Variants in RERE observed in about 807,000 individuals in gnomAD.
RERE encodes the protein arginine-glutamic acid dipeptide repeats.
RERE carries 40 observed loss-of-function variants against 146.1 expected under a neutral mutation model. The ratio of observed to expected loss-of-function variants is 0.27; its 90% confidence interval spans 0.21 to 0.36. RERE has a LOEUF of 0.36. RERE is among the 10% of genes least tolerant of loss of function. The pLI is 1.00. For synonymous variants in RERE, 1,003 were observed against 866.0 expected, an observed-to-expected ratio of 1.16 and a Z score of -2.78; for missense variants, 1,933 against 2,138.7, an observed-to-expected ratio of 0.90 and a Z score of 1.90.
intron 1 of RERE, among the ~76,000 whole-genome samples, chr1:8,727,203 C>T (rs574372406): frequency 1.2e-4 from 19 of 152,264 alleles, no homozygotes; most frequent in African/African-American, 4.3e-4. Context: ...AGTGCAGTGG[C>T]GCGATCTCGG....
intron 4 of RERE, among the ~76,000 whole-genome samples, chr1:8,594,429 G>C (rs1646531240): frequency 6.6e-6 from 1 of 152,174 alleles, no homozygotes; most frequent in Non-Finnish European, 1.5e-5. Flanking sequence ...CAGTCAACTA[G>C]TTAATATAAA....
Position 8,360,116 on chromosome 1 carries a change from C to T in RERE, c.3391G>A (p.Ala1131Thr). The T allele has an allele frequency of 1.3e-6, 2 of 1,580,104 alleles. No homozygotes were observed. Among genetic ancestry groups the T allele is most frequent in the East Asian group, 4.5e-5 (2 of 44,436 alleles). ...CTGGAGCCCTAGGAAGCGTACCTAG[C>T]TGACTGGCTGGCGTGACTGGGGGTG... ...VDTPSHASQSARFYKHLDRGY... is the reference protein window; with the variant it reads ...VDTPSHASQSTRFYKHLDRGY... Residue 1131 changes from alanine to threonine, a missense_variant, in exon 18 of 23, where the codon GCT becomes ACT. Ala to Thr is a moderately conservative substitution (Grantham distance 58). This residue lies in a region of RERE where 1,255 missense variants were observed against 1,153.8 expected (regional missense o/e 1.09). Transcript: ENST00000400908.
chr1:8,501,294 C>T, intron 8 of RERE, among the ~76,000 whole-genome samples: 1 of 108,460 alleles, frequency 9.2e-6, no homozygotes, highest in Non-Finnish European at 1.9e-5. Flanking sequence ...GAAGTGAGGA[C>T]CCCTCTGCCC....
In RERE at chr1:8,403,825, C is replaced by CTTTTTTTTTTTTTTTTTTTTT. The variant is rs869295197; in HGVS notation, c.1284+18881_1284+18901dup. 1.6e-4 allele frequency among the ~76,000 whole-genome samples: 11 copies of CTTTTTTTTTTTTTTTTTTTTT among 70,866 alleles called. 2 individuals are homozygous for CTTTTTTTTTTTTTTTTTTTTT. The highest frequency in any genetic ancestry group is 4.7e-4 in the African/African-American group (8 of 17,002). 46.5% of individuals were successfully genotyped at this position (70,866 alleles called of 152,430 possible). On this transcript the variant is annotated intron_variant, in intron 12 of 22. Coordinates refer to ENST00000400908, the MANE Select transcript of RERE (RefSeq NM_001042681.2). Reference sequence around the variant, plus strand: ...TCTATTTTTCTTAATAAAATCTTAGCTTTTTTTTTTTTTTTTTTTTTTTGA... The same window carrying CTTTTTTTTTTTTTTTTTTTTT: ...TCTATTTTTCTTAATAAAATCTTAGCTTTTTTTTTTTTTTTTTTTTTTTTTTTTTTTTTTTTTTTTTTTTGA...
Position 8,361,389 on chromosome 1 carries a change from C to T in RERE, c.2118G>A (p.Gln706=). Residue 706 remains glutamine, a synonymous_variant, in exon 18 of 23, where the codon CAG becomes CAA. Coordinates refer to ENST00000400908, the MANE Select transcript of RERE (RefSeq NM_001042681.2). ...TGCTCGGGGACGTGCTGCGATTGTC[C>T]TGGTCGATGTCTTTGGGGTCACTGC... ...EGSSDPKDID[Q]DNRSTSPSIP... is the part of the protein sequence containing the mutation. 1 of 1,613,862 alleles carries T rather than the reference C, an allele frequency of 6.2e-7. No homozygotes were observed. The highest frequency in any genetic ancestry group is 2.2e-5 in the East Asian group (1 of 44,876).
intron 7 of RERE, among the ~76,000 whole-genome samples, chr1:8,540,239 G>A (rs184972811): frequency 6.6e-6 from 1 of 152,226 alleles, no homozygotes; most frequent in East Asian, 1.9e-4. Context: ...GGGACCACAG[G>A]TGCAGCCCAC....
chr1:8,555,458 T>G lies in RERE; in HGVS notation c.725+1017A>C, dbSNP rs1645995960. Among the ~76,000 whole-genome samples, 3 of 152,322 alleles carry G rather than the reference T, an allele frequency of 2.0e-5. No homozygotes were observed. In the South Asian group the frequency reaches 6.2e-4, roughly 32 times the overall value. ...ACTAATTTACCTTGAAATAACTGAC[T>G]TTAGCTATGTAGCTTTGCAAAAAAG... On this transcript the variant is annotated intron_variant, in intron 6 of 22. Coordinates refer to ENST00000400908, the MANE Select transcript of RERE (RefSeq NM_001042681.2).
intron 10 of RERE, among the ~76,000 whole-genome samples, chr1:8,488,468 ACT>A (rs1200369044): frequency 6.6e-6 from 1 of 151,640 alleles, no homozygotes; most frequent in African/African-American, 2.4e-5. Context: ...CTGGTCTCAA[ACT>A]CCTGACCTCA....
chr1:8,618,363 T>C (rs1379162107), intron 3 of RERE, among the ~76,000 whole-genome samples: 1 of 152,228 alleles, frequency 6.6e-6, no homozygotes, highest in Non-Finnish European at 1.5e-5. Flanking sequence ...AGATGGCAAC[T>C]GATGGATGGA....
rs572849124 is a variant in RERE at position 8,496,664 on chromosome 1, ACCGCTCTGTGGTGC to A, written c.1004+727_1004+740del. On this transcript the variant is annotated intron_variant, in intron 9 of 22. Transcript: ENST00000400908. ...GCTCTGTGACACCTGCTCTGTGACG[ACCGCTCTGTGGTGC>A]CCGCTCTGTGCCGTGTGAGGAGCGA... 1.1e-3 allele frequency among the ~76,000 whole-genome samples: 164 copies of A among 152,276 alleles called. 2 individuals carry two copies. The highest frequency in any genetic ancestry group is 3.8e-3 in the African/African-American group (158 of 41,544).
At position 8,512,014 on chromosome 1, in the gene RERE, C is replaced by CTTTTTTTTTTTTTTTTTTTTTTTTTTTT. The variant is rs763835328; in HGVS notation, c.831-3367_831-3340dup. ...GTATCAACAGCTTGTAGGAAACACT[C>CTTTTTTTTTTTTTTTTTTTTTTTTTTTT]TTTTTTTTTTTTTTTTTTTTTTTTT... is the stretch of plus-strand genomic sequence containing the variant. On this transcript the variant is annotated intron_variant, in intron 7 of 22. Coordinates refer to ENST00000400908, the MANE Select transcript of RERE (RefSeq NM_001042681.2). 6 of 38,922 alleles carry CTTTTTTTTTTTTTTTTTTTTTTTTTTTT rather than the reference C, an allele frequency of 1.5e-4. 1 individual carries two copies. Among genetic ancestry groups the CTTTTTTTTTTTTTTTTTTTTTTTTTTTT allele is most frequent in the Admixed American group, 4.0e-4 (1 of 2,530 alleles). The allele number at this position is 38,922 out of a possible 1,614,324, so 2.4% of individuals were successfully genotyped here.
chr1:8,616,865 C>A (rs74521170), intron 3 of RERE, among the ~76,000 whole-genome samples: 25,171 of 152,148 alleles, frequency 0.17, 2,508 homozygotes, highest in Middle Eastern at 0.26. Context: ...ATTATTTATT[C>A]CCAAGGCCTC....
intron 11 of RERE, among the ~76,000 whole-genome samples, chr1:8,432,462 C>T (rs1644108781): frequency 6.6e-6 from 1 of 152,026 alleles, no homozygotes; most frequent in South Asian, 2.1e-4. Flanking sequence ...ACAAGGAGCA[C>T]AGCACGAGGC....
chr1:8,694,336 G>T lies in RERE; in HGVS notation c.-144-37895C>A, dbSNP rs558557109. On this transcript the variant is annotated intron_variant, in intron 1 of 22. Coordinates refer to ENST00000400908, the MANE Select transcript of RERE (RefSeq NM_001042681.2). ...AGCAGTATGTCTATACACCAATAAT[G>T]TTGAAGCTGAGAGCCAATCCAGAAT... Among the ~76,000 whole-genome samples, 4 of 152,270 alleles carry T rather than the reference G, an allele frequency of 2.6e-5. No individual in the cohort carries two copies. In the East Asian group the frequency reaches 5.8e-4, roughly 22 times the overall value.
At chr1:8,716,299 C>CA (rs34590852) in intron 1 of RERE, among the ~76,000 whole-genome samples, 1,446 of 109,546 alleles carry the variant, frequency 0.013, 31 homozygotes, top group South Asian at 0.05. Flanking sequence ...CTCATCTCTA[C>CA]AAAAAAAAAA....
In RERE at chr1:8,496,064, G is replaced by A. The variant is rs538104546; in HGVS notation, c.1005-902C>T. Among the ~76,000 whole-genome samples, 7 of 151,346 alleles carry A rather than the reference G, an allele frequency of 4.6e-5. No homozygotes were observed. In the East Asian group the frequency reaches 9.7e-4, roughly 21 times the overall value. On this transcript the variant is annotated intron_variant, in intron 9 of 22. Transcript: ENST00000400908. ...TGTAGTCCTAGCTACTGGGGAGGAC[G>A]AGGTGGGAGGATGACTTGAGCCCAG... is the stretch of plus-strand genomic sequence containing the variant.
chr1:8,667,511 AC>A (rs1638604220), intron 1 of RERE, among the ~76,000 whole-genome samples: 1 of 152,202 alleles, frequency 6.6e-6, no homozygotes, highest in Non-Finnish European at 1.5e-5. Flanking sequence ...TCCCATCTCT[AC>A]TAAAAATACA....
chr1:8,799,869 T>G (rs1356209169), intron 1 of RERE, among the ~76,000 whole-genome samples: 3 of 151,914 alleles, frequency 2.0e-5, no homozygotes, highest in South Asian at 2.1e-4. Flanking sequence ...TGGAGTGCAG[T>G]GGCGCAATTT....
intron 1 of RERE, among the ~76,000 whole-genome samples, chr1:8,751,574 C>T (rs1467327690): frequency 2.0e-5 from 3 of 152,140 alleles, no homozygotes; most frequent in African/African-American, 4.8e-5. Context: ...CCTCTCTGCA[C>T]TGACAGGTGA....
Sources: gnomAD v4.1 joint callset for allele counts (sites outside exome capture counted in the v4.1 genomes callset) on GRCh38, gnomAD v4.1.1 for gene constraint, gnomAD v4.1.1 regional missense constraint, MANE v1.5 for transcripts, NCBI Gene and HGNC (gene_info 2026-07-23, HGNC 2026-07-21) for gene names.